The following NUAK2 variants were observed in gnomAD, a reference collection of about 807,000 sequenced individuals.
NUAK2 encodes the protein NUAK family kinase 2.
A neutral mutation model predicts 29.8 loss-of-function variants in NUAK2; 20 were observed. The ratio of observed to expected loss-of-function variants is 0.67; its 90% CI spans 0.47 to 0.98. The LOEUF is 0.98. NUAK2 is among the 50% of genes least tolerant of loss of function. The pLI, the probability that NUAK2 is intolerant of heterozygous loss-of-function variation, is 0.00. For missense variants in NUAK2, 719 were observed against 834.5 expected (o/e 0.86, Z 1.71); for synonymous variants, 331 against 342.6 (o/e 0.97, Z 0.37).
Position 205,308,086 on chromosome 1 carries a change from T to C in NUAK2, c.570+79A>G. The C allele has an allele frequency of 3.2e-6, 3 of 940,772 alleles. No individual in the cohort carries two copies. The highest frequency in any genetic ancestry group is 5.1e-6 in the Non-Finnish European group (3 of 585,302). The allele number at this position is 940,772 out of a possible 1,614,324, so 58.3% of individuals were successfully genotyped here. A position where few individuals can be genotyped will look rare whatever the true frequency, so the allele number is the denominator to read the frequency against. On this transcript the variant is annotated intron_variant, in intron 4 of 6. Coordinates refer to ENST00000367157, the MANE Select transcript of NUAK2 (RefSeq NM_030952.3). The surrounding 1 kb of genome is among the most constrained non-coding windows in gnomAD (Gnocchi z 4.1). ...GCTCCTTCAGGAATCCACCAAGAGCTTAGAGCTACTTGGCTGGGGACAGTG... is the reference window on the plus strand; with the variant it reads ...GCTCCTTCAGGAATCCACCAAGAGCCTAGAGCTACTTGGCTGGGGACAGTG...
At position 205,308,201 on chromosome 1, in the gene NUAK2, C is replaced by T. The variant is rs867373083; in HGVS notation, c.534G>A (p.Leu178=). The part of the protein sequence containing the change: ...QNRVVHRDLK[L]ENILLDANGN... Reference sequence around the variant, plus strand: ...CATTGGCATCCAAGAGGATGTTCTCCAGCTTGAGATCTCGGTGGACAACTC... The same window carrying T: ...CATTGGCATCCAAGAGGATGTTCTCTAGCTTGAGATCTCGGTGGACAACTC... The change falls in exon 4 of 7, where the codon CTG becomes CTA. Residue 178 remains leucine, a synonymous_variant. Coordinates refer to ENST00000367157, the MANE Select transcript of NUAK2 (RefSeq NM_030952.3). The surrounding 1 kb of genome is among the most constrained non-coding windows in gnomAD (Gnocchi z 4.1). 1 of 1,607,196 alleles carries T rather than the reference C, an allele frequency of 6.2e-7. No individual in the cohort carries two copies. The highest frequency in any genetic ancestry group is 1.7e-4 in the Middle Eastern group (1 of 5,978).
At position 205,304,352 on chromosome 1, in the gene NUAK2, G is replaced by A. The variant is rs756878231; in HGVS notation, c.985C>T (p.Arg329Cys). Residue 329 changes from arginine (R) to cysteine (C), a missense_variant, in exon 7 of 7, where the codon CGC becomes TGC. Transcript: ENST00000367157. The surrounding 1 kb of genome is among the most constrained non-coding windows in gnomAD (Gnocchi z 6.5). Reference sequence around the variant, plus strand: ...CGGAGCCAGTCAGCCATGGAGGCGCGGGCAGAGTCACTGCCAGGGTGCCCA... The same window carrying A: ...CGGAGCCAGTCAGCCATGGAGGCGCAGGCAGAGTCACTGCCAGGGTGCCCA... ...EGGHPGSDSA[R>C]ASMADWLRRS... The A allele has an allele frequency of 4.1e-5, 66 of 1,610,370 alleles. No homozygotes were observed. Among genetic ancestry groups the A allele is most frequent in the Non-Finnish European group, 5.2e-5 (61 of 1,177,830 alleles).
At position 205,303,315 on chromosome 1, in the gene NUAK2, G is replaced by A; in HGVS notation, c.*135C>T. On this transcript the variant is annotated 3_prime_UTR_variant, in exon 7 of 7. Transcript: ENST00000367157. The stretch of plus-strand genomic sequence containing the variant: ...TACTTCCCATATCCAGCCCTGCTCA[G>A]GGCTCCACTGCAAACCCTCTCAGCC... 1.4e-6 allele frequency: 1 copy of A among 702,836 alleles called. No individual in the cohort carries two copies. Among genetic ancestry groups the A allele is most frequent in the Non-Finnish European group, 2.3e-6 (1 of 439,166 alleles). 43.5% of individuals were successfully genotyped at this position (702,836 alleles called of 1,614,324 possible).
chr1:205,315,084 G>C (rs904053113), intron 1 of NUAK2, among the ~76,000 whole-genome samples: 4 of 152,162 alleles, frequency 2.6e-5, no homozygotes, highest in Non-Finnish European at 4.4e-5. Context: ...TCAGGGGGTA[G>C]GTTAGGGACC....
intron 2 of NUAK2, among the ~76,000 whole-genome samples, chr1:205,311,293 C>G (rs1662255036): frequency 6.6e-6 from 1 of 152,160 alleles, no homozygotes; most frequent in Admixed American, 6.5e-5. Context: ...GAGACAGGTG[C>G]AGGTCTATGT....
chr1:205,310,913 C>T (rs781699431), intron 2 of NUAK2, among the ~76,000 whole-genome samples: 1 of 152,186 alleles, frequency 6.6e-6, no homozygotes, highest in Non-Finnish European at 1.5e-5. Context: ...AGAGCAGAGA[C>T]TGCTCTATTT....
At chr1:205,311,911 G>T in intron 1 of NUAK2, 86 bp from the exon 2 acceptor site, 2 of 1,553,110 alleles carry the variant, frequency 1.3e-6, no homozygotes, top group South Asian at 1.1e-5. Flanking sequence ...GCCTGTAGCT[G>T]CTATAAAGGC....
intron 1 of NUAK2, among the ~76,000 whole-genome samples, chr1:205,314,420 G>A (rs1468106381): frequency 1.3e-5 from 2 of 152,200 alleles, no homozygotes; most frequent in Non-Finnish European, 2.9e-5. Context: ...TCTCCCTAGT[G>A]AGCTAAGCAA....
In NUAK2 at chr1:205,315,216, T is replaced by C. The variant is rs1364059515; in HGVS notation, c.232-3391A>G. ...AGCAGGTGGCAGACAAAAAGAGCCA[T>C]GCATCACCACCCTGGTGGGGCTAGA... On this transcript the variant is annotated intron_variant, in intron 1 of 6. Coordinates refer to ENST00000367157, the MANE Select transcript of NUAK2 (RefSeq NM_030952.3). Among the ~76,000 whole-genome samples, 3 of 152,136 alleles carry C rather than the reference T, an allele frequency of 2.0e-5. No homozygotes were observed. In the East Asian group the frequency reaches 5.8e-4, roughly 29 times the overall value.
intron 2 of NUAK2, among the ~76,000 whole-genome samples, chr1:205,311,316 C>T (rs902129946): frequency 6.6e-6 from 1 of 152,190 alleles, no homozygotes; most frequent in African/African-American, 2.4e-5. Flanking sequence ...GTTTCAGCCT[C>T]CCCCAGATTG....
chr1:205,308,076 C>T lies in NUAK2; in HGVS notation c.570+89G>A, dbSNP rs999982192. 1 of 864,420 alleles carries T rather than the reference C, an allele frequency of 1.2e-6. No individual in the cohort carries two copies. The highest frequency in any genetic ancestry group is 1.9e-6 in the Non-Finnish European group (1 of 525,660). 53.5% of individuals were successfully genotyped at this position (864,420 alleles called of 1,614,324 possible). A position where few individuals can be genotyped will look rare whatever the true frequency, so the allele number is the denominator to read the frequency against. On this transcript the variant is annotated intron_variant, in intron 4 of 6. Transcript: ENST00000367157. This position sits in a 1 kb window ranked among gnomAD's most constrained non-coding sequence, Gnocchi z 4.1. The stretch of plus-strand genomic sequence containing the variant: ...GCCTTGCTCAGCTCCTTCAGGAATC[C>T]ACCAAGAGCTTAGAGCTACTTGGCT...
intron 1 of NUAK2, among the ~76,000 whole-genome samples, chr1:205,317,204 C>G (rs531937792): frequency 1.3e-5 from 2 of 152,140 alleles, no homozygotes; most frequent in African/African-American, 4.8e-5. Context: ...AGATCAGGAA[C>G]GATCTGGATT....
At position 205,308,280 on chromosome 1, in the gene NUAK2, TG is replaced by T. The variant is rs1388538867; in HGVS notation, c.505-51del. ...GGGAAGGTCACCAGGGAAGGGAAGA[TG>T]ATGAGGGGCCCAGTCTGGAGACTGA... is the stretch of plus-strand genomic sequence containing the variant. On this transcript the variant is annotated intron_variant, in intron 3 of 6. Coordinates refer to ENST00000367157, the MANE Select transcript of NUAK2 (RefSeq NM_030952.3). The surrounding 1 kb of genome is among the most constrained non-coding windows in gnomAD (Gnocchi z 4.1). 7.3e-7 allele frequency: 1 copy of T among 1,376,218 alleles called. No individual in the cohort carries two copies. The highest frequency in any genetic ancestry group is 1.5e-5 in the African/African-American group (1 of 68,594). 85.3% of individuals were successfully genotyped at this position (1,376,218 alleles called of 1,614,324 possible). A position where few individuals can be genotyped will look rare whatever the true frequency, so the allele number is the denominator to read the frequency against.
Position 205,308,148 on chromosome 1 carries a change from TAAG to T in NUAK2, c.570+14_570+16del. 1 of 1,574,210 alleles carries T rather than the reference TAAG, an allele frequency of 6.4e-7. No homozygotes were observed. Among genetic ancestry groups the T allele is most frequent in the South Asian group, 1.1e-5 (1 of 89,358 alleles). ...GGGTGGGCAAGGAGGCTTCTAGAAA[TAAG>T]AAGTGGGACTCACCTTGATATTCCC... On this transcript the variant is annotated intron_variant, in intron 4 of 6. Coordinates refer to ENST00000367157, the MANE Select transcript of NUAK2 (RefSeq NM_030952.3). This position sits in a 1 kb window ranked among gnomAD's most constrained non-coding sequence, Gnocchi z 4.1.
Position 205,321,366 on chromosome 1 carries a change from C to A in NUAK2, c.231+32G>T, listed in dbSNP as rs763702870. 5.1e-6 allele frequency: 8 copies of A among 1,577,356 alleles called. No individual in the cohort carries two copies. In the Admixed American group the frequency reaches 1.5e-4, roughly 29 times the overall value. The stretch of plus-strand genomic sequence containing the variant: ...CCCTGCCGGCGGCCAAGCCGGAGCC[C>A]GCCCCGCGCCGCGAGAGGGAGCCGC... On this transcript the variant is annotated intron_variant, in intron 1 of 6. Coordinates refer to ENST00000367157, the MANE Select transcript of NUAK2 (RefSeq NM_030952.3).
In NUAK2 at chr1:205,303,813, G is replaced by T. The variant is rs373376675; in HGVS notation, c.1524C>A (p.Phe508Leu). Residue 508 changes from phenylalanine (F) to leucine (L), a missense_variant, in exon 7 of 7, where the codon TTC becomes TTA. Physicochemically the swap from Phe to Leu is conservative, Grantham distance 22. Coordinates refer to ENST00000367157, the MANE Select transcript of NUAK2 (RefSeq NM_030952.3). ...RKGILKLNGK[F>L]SQTALELAAP... ...CCGCGAGCTCCAAGGCTGTCTGGGA[G>T]AACTTGCCATTGAGTTTGAGGATGC... 1 of 1,594,900 alleles carries T rather than the reference G, an allele frequency of 6.3e-7. No homozygotes were observed. The highest frequency in any genetic ancestry group is 1.3e-5 in the African/African-American group (1 of 74,442).
rs374444303 is a variant in NUAK2, at chr1:205,308,635, G to A, written c.450C>T (p.Arg150=). Reference sequence around the variant, plus strand: ...TCTGCCGGAAGAAATGCCTAGCTTCGCGCTCACTGAGCTGCTGCCGCTCGC... The same window carrying A: ...TCTGCCGGAAGAAATGCCTAGCTTCACGCTCACTGAGCTGCTGCCGCTCGC... ...YISERQQLSE[R]EARHFFRQIV... The change falls in exon 3 of 7, where the codon CGC becomes CGT. Residue 150 remains arginine (R), a synonymous_variant. Transcript: ENST00000367157. This position sits in a 1 kb window ranked among gnomAD's most constrained non-coding sequence, Gnocchi z 4.1. 3.2e-4 allele frequency: 519 copies of A among 1,613,978 alleles called. No homozygotes were observed. Among genetic ancestry groups the A allele is most frequent in the Non-Finnish European group, 4.1e-4 (484 of 1,180,034 alleles).
chr1:205,319,374 C>A (rs1662374018), intron 1 of NUAK2, among the ~76,000 whole-genome samples: 1 of 152,202 alleles, frequency 6.6e-6, no homozygotes, highest in Non-Finnish European at 1.5e-5. Flanking sequence ...AAACTGAAAG[C>A]TAGTTTATCT....
intron 2 of NUAK2, among the ~76,000 whole-genome samples, chr1:205,309,856 T>C (rs530137294): frequency 6.6e-6 from 1 of 152,252 alleles, no homozygotes; most frequent in South Asian, 2.1e-4. Context: ...CAATACATAT[T>C]TGGTAATTAA....
Sources: allele counts gnomAD v4.1 joint callset (sites outside exome capture counted in the v4.1 genomes callset), GRCh38; gene constraint gnomAD v4.1.1; non-coding constraint Gnocchi (gnomAD v3.1); transcripts MANE v1.5; gene names NCBI Gene and HGNC (gene_info 2026-07-23, HGNC 2026-07-21).